ARHGEF26: variants seen among roughly 807,000 people sequenced by gnomAD.
ARHGEF26 encodes the protein Rho guanine nucleotide exchange factor (GEF) 26.
A neutral mutation model predicts 89.4 loss-of-function variants in ARHGEF26; 59 were observed. That is an observed-to-expected ratio of 0.66 (90% CI 0.54 to 0.82). The LOEUF (loss-of-function observed/expected upper bound fraction) is 0.82, where lower values mean the gene tolerates loss of function less well. Among genes scored for constraint, ARHGEF26 ranks in the 40% least tolerant of loss-of-function variants. The pLI, the probability that ARHGEF26 is intolerant of heterozygous loss-of-function variation, is 0.00. For missense variants in ARHGEF26, 1,234 were observed against 1,085.6 expected (o/e 1.14, Z -1.92); for synonymous variants, 500 against 428.4 (o/e 1.17, Z -2.06).
rs1714170598 is a variant in ARHGEF26, at chr3:154,194,644, ACTAT to A, written c.1774_1777del (p.Ile592ValfsTer18). 1.2e-6 allele frequency: 2 copies of A among 1,608,508 alleles called. No homozygotes were observed. Among genetic ancestry groups the A allele is most frequent in the Non-Finnish European group, 1.7e-6 (2 of 1,176,900 alleles). ...TTTGTTCACTTTTATTTCATTACAG[ACTAT>A]CTGTCAAAAAACACCTAAGGACTCT... On this transcript the variant is annotated frameshift_variant and splice_region_variant, in exon 9 of 15. Coordinates refer to ENST00000465093, the MANE Select transcript of ARHGEF26 (RefSeq NM_015595.4). LOFTEE classifies it high-confidence loss of function.
chr3:154,179,191 T>C (rs1388487282), intron 6 of ARHGEF26, among the ~76,000 whole-genome samples: 4 of 152,088 alleles, frequency 2.6e-5, no homozygotes, highest in Non-Finnish European at 2.9e-5. Flanking sequence ...CAAAAAAAAA[T>C]ATGCATGTAT....
chr3:154,189,539 G>C (rs143623378), intron 7 of ARHGEF26, among the ~76,000 whole-genome samples: 2 of 151,778 alleles, frequency 1.3e-5, no homozygotes. Context: ...GGGTTTCACC[G>C]TATTAGCCAG....
chr3:154,165,484 A>G (rs1220633627), intron 6 of ARHGEF26, among the ~76,000 whole-genome samples: 1 of 152,186 alleles, frequency 6.6e-6, no homozygotes, highest in Non-Finnish European at 1.5e-5. Context: ...TGTTGAATAA[A>G]GCATATTTTT....
chr3:154,187,818 C>G lies in ARHGEF26; in HGVS notation c.1621C>G (p.Arg541Gly). The change falls in exon 7 of 15, where the codon CGA (arginine) becomes GGA (glycine). Residue 541 changes from arginine to glycine, a missense_variant. Physicochemically the swap from Arg to Gly is moderately radical, Grantham distance 125. Transcript: ENST00000465093. ...CTGCACAAATGAAGTCTACCAACAACGAACACTACAAAAATTGTTGTAAGC... is the reference window on the plus strand; with the variant it reads ...CTGCACAAATGAAGTCTACCAACAAGGAACACTACAAAAATTGTTGTAAGC... The part of the protein sequence containing the change: ...KYCTNEVYQQ[R>G]TLQKLLATNP... The G allele has an allele frequency of 6.2e-7, 1 of 1,608,600 alleles. No individual in the cohort carries two copies. Among genetic ancestry groups the G allele is most frequent in the Non-Finnish European group, 8.5e-7 (1 of 1,177,036 alleles).
At chr3:154,153,027 G>A (rs1356604000) in intron 6 of ARHGEF26, 95 bp downstream of exon 6, 13 of 1,142,330 alleles carry the variant, frequency 1.1e-5, no homozygotes, top group African/African-American at 1.6e-5. Context: ...TGGTTATCAA[G>A]TCTCATTCAG....
At chr3:154,213,488 G>A (rs1715525891) in intron 9 of ARHGEF26, among the ~76,000 whole-genome samples, 4 of 152,112 alleles carry the variant, frequency 2.6e-5, no homozygotes, top group African/African-American at 9.7e-5. Context: ...GGAATCTTGT[G>A]TTTGGTCTGA....
intron 6 of ARHGEF26, among the ~76,000 whole-genome samples, chr3:154,177,913 G>T (rs1712927255): frequency 6.6e-6 from 1 of 152,114 alleles, no homozygotes; most frequent in Non-Finnish European, 1.5e-5. Flanking sequence ...TATTAAAAGG[G>T]CTTTATTGGC....
intron 12 of ARHGEF26, among the ~76,000 whole-genome samples, chr3:154,248,200 C>T (rs1717912852): frequency 6.6e-6 from 1 of 152,162 alleles, no homozygotes; most frequent in Admixed American, 6.5e-5. Flanking sequence ...ATGACCTTAG[C>T]CCATAATCAA....
At chr3:154,209,075 C>A (rs1362919150) in intron 9 of ARHGEF26, among the ~76,000 whole-genome samples, 1 of 151,936 alleles carries the variant, frequency 6.6e-6, no homozygotes, top group East Asian at 1.9e-4. Flanking sequence ...CCGCCAGTTG[C>A]ATTTTTTGGC....
At chr3:154,177,667 A>G (rs749988528) in intron 6 of ARHGEF26, among the ~76,000 whole-genome samples, 8 of 152,134 alleles carry the variant, frequency 5.3e-5, no homozygotes, top group South Asian at 2.1e-4. Flanking sequence ...GGGTCTGCCA[A>G]TTTGGGTGTC....
intron 9 of ARHGEF26, among the ~76,000 whole-genome samples, chr3:154,208,243 A>C (rs1433501832): frequency 4.6e-5 from 7 of 152,194 alleles, no homozygotes; most frequent in Admixed American, 4.6e-4. Flanking sequence ...CATACCCCTG[A>C]AGCTAAAATA....
At chr3:154,248,547 T>C (rs193271941) in intron 12 of ARHGEF26, among the ~76,000 whole-genome samples, 5 of 152,282 alleles carry the variant, frequency 3.3e-5, no homozygotes, top group Admixed American at 1.3e-4. Flanking sequence ...AGTCATAATC[T>C]TACATTTATC....
chr3:154,207,493 A>T (rs1715098694), intron 9 of ARHGEF26, among the ~76,000 whole-genome samples: 2 of 151,382 alleles, frequency 1.3e-5, no homozygotes. Flanking sequence ...ACAAACATAT[A>T]AAAAAAAAGC....
intron 11 of ARHGEF26, among the ~76,000 whole-genome samples, chr3:154,227,038 T>C (rs1716535224): frequency 6.6e-6 from 1 of 152,164 alleles, no homozygotes; most frequent in Non-Finnish European, 1.5e-5. Flanking sequence ...TCAAACTAAA[T>C]TAAAACAGAT....
intron 11 of ARHGEF26, among the ~76,000 whole-genome samples, chr3:154,239,251 A>AGG (rs1717307649): frequency 8.4e-5 from 2 of 23,812 alleles, no homozygotes; most frequent in Non-Finnish European, 1.9e-4. Context: ...TAAATGACCG[A>AGG]GAGAGAGAGG....
At chr3:154,221,567 A>G (rs1450494887) in intron 10 of ARHGEF26, among the ~76,000 whole-genome samples, 2 of 152,210 alleles carry the variant, frequency 1.3e-5, no homozygotes, top group Non-Finnish European at 2.9e-5. Context: ...ATGAGGAAAA[A>G]CATCTAAATA....
chr3:154,142,219 C>CTTT (rs967079020), intron 4 of ARHGEF26, among the ~76,000 whole-genome samples: 3,376 of 145,114 alleles, frequency 0.023, 112 homozygotes, highest in African/African-American at 0.081. Context: ...AAAACTTTTT[C>CTTT]TTTTTTTTTT....
chr3:154,193,435 G>C (rs769126339), intron 8 of ARHGEF26, among the ~76,000 whole-genome samples: 28 of 152,160 alleles, frequency 1.8e-4, no homozygotes, highest in Non-Finnish European at 3.8e-4. Flanking sequence ...CTTGATGCCT[G>C]ACTTTCAGAT....
chr3:154,236,836 A>G (rs572539767), intron 11 of ARHGEF26, among the ~76,000 whole-genome samples: 1 of 152,352 alleles, frequency 6.6e-6, no homozygotes, highest in East Asian at 1.9e-4. Context: ...TATTTATTGC[A>G]TAATGCAGAA....
Sources: gnomAD v4.1 joint callset for allele counts (sites outside exome capture counted in the v4.1 genomes callset) on GRCh38, gnomAD v4.1.1 for gene constraint, MANE v1.5 for transcripts, NCBI Gene and HGNC (gene_info 2026-07-23, HGNC 2026-07-21) for gene names.